Variants in CTNNA2 observed in about 807,000 individuals in gnomAD.
The protein encoded by CTNNA2 is catenin alpha 2.
CTNNA2 carries 42 observed loss-of-function variants against 101.0 expected under a neutral mutation model. The observed-to-expected ratio is 0.42, with a 90% CI of 0.32 to 0.54. The LOEUF (loss-of-function observed/expected upper bound fraction) is 0.54, where lower values mean the gene tolerates loss of function less well. Ranked by LOEUF, CTNNA2 falls within the 20% of genes least tolerant of loss-of-function variation. The pLI is 0.14. For missense variants in CTNNA2, 871 were observed against 1,223.1 expected (o/e 0.71, Z 4.29); for synonymous variants, 450 against 456.4 (o/e 0.99, Z 0.18).
chr2:80,302,778 C>T lies in CTNNA2; in HGVS notation c.1057-90433C>T, dbSNP rs1333490759. 3 of 1,613,320 alleles carry T rather than the reference C, an allele frequency of 1.9e-6. No homozygotes were observed. Among genetic ancestry groups the T allele is most frequent in the Middle Eastern group, 1.6e-4 (1 of 6,062 alleles). On this transcript the variant is annotated intron_variant, in intron 7 of 18. Transcript: ENST00000402739. The surrounding 1 kb of genome is among the most constrained non-coding windows in gnomAD (Gnocchi z 6.4). ...GCGTCCAGGACGTCCTCGCCCTGTG[C>T]GTACTCCGGGCTGGCGCACTGCAAG...
At chr2:79,724,393 T>C (rs1686684303) in intron 2 of CTNNA2, among the ~76,000 whole-genome samples, 1 of 152,026 alleles carries the variant, frequency 6.6e-6, no homozygotes, top group African/African-American at 2.4e-5. Flanking sequence ...ATTTTTGCTT[T>C]AGTTGGTGGT....
At chr2:80,619,022 C>CTTTTTTTTT (rs56987036) in intron 17 of CTNNA2, 63 bp from the exon 18 acceptor site, 1 of 839,812 alleles carries the variant, frequency 1.2e-6, no homozygotes, top group Non-Finnish European at 1.6e-6. Flanking sequence ...AAGTAGGGTA[C>CTTTTTTTTT]TTTTTTTTTT....
intron 8 of CTNNA2, among the ~76,000 whole-genome samples, chr2:80,404,646 A>G (rs78295084): frequency 0.018 from 2,765 of 152,238 alleles, 84 homozygotes; most frequent in African/African-American, 0.062. Context: ...AAAAGGAGCT[A>G]TTGATTCAGA....
chr2:80,079,930 T>C (rs190065698), intron 7 of CTNNA2, among the ~76,000 whole-genome samples: 1 of 150,260 alleles, frequency 6.7e-6, no homozygotes, highest in Non-Finnish European at 1.5e-5. Flanking sequence ...CCAGCCTCTT[T>C]AATTTCAGTT....
intron 4 of CTNNA2, among the ~76,000 whole-genome samples, chr2:79,476,358 A>C (rs985925277): frequency 6.6e-6 from 1 of 152,216 alleles, no homozygotes; most frequent in Non-Finnish European, 1.5e-5. Context: ...AATCCTGAGC[A>C]TCCAAGAGAA....
chr2:79,675,323 G>T (rs770493354), intron 2 of CTNNA2, among the ~76,000 whole-genome samples: 1 of 152,078 alleles, frequency 6.6e-6, no homozygotes, highest in Non-Finnish European at 1.5e-5. Flanking sequence ...ATTTTATGGC[G>T]GTGGACAATG....
At chr2:80,262,064 A>C (rs1672649451) in intron 7 of CTNNA2, among the ~76,000 whole-genome samples, 1 of 152,214 alleles carries the variant, frequency 6.6e-6, no homozygotes, top group South Asian at 2.1e-4. Context: ...TTGTAAATAC[A>C]TGATAATTTT....
intron 6 of CTNNA2, among the ~76,000 whole-genome samples, chr2:79,893,132 G>T (rs1684423523): frequency 6.6e-6 from 1 of 152,034 alleles, no homozygotes; most frequent in Admixed American, 6.6e-5. Flanking sequence ...AAAAATATTT[G>T]AGAATAGTTG....
intron 18 of CTNNA2, among the ~76,000 whole-genome samples, chr2:80,643,639 G>A (rs1673728712): frequency 6.6e-6 from 1 of 152,120 alleles, no homozygotes; most frequent in Non-Finnish European, 1.5e-5. Context: ...GCTGAGAGGT[G>A]GTTGATTTTT....
At chr2:80,184,811 G>C (rs1178886913) in intron 7 of CTNNA2, among the ~76,000 whole-genome samples, 1 of 152,116 alleles carries the variant, frequency 6.6e-6, no homozygotes, top group South Asian at 2.1e-4. Context: ...TTGTTTAAAG[G>C]CTTATGTAAT....
chr2:79,515,476 G>A (rs543015684), intron 1 of CTNNA2, among the ~76,000 whole-genome samples: 3 of 152,298 alleles, frequency 2.0e-5, no homozygotes. Context: ...CTTTGTTGCA[G>A]TTTTTCTGCA....
intron 18 of CTNNA2, among the ~76,000 whole-genome samples, chr2:80,638,710 C>T (rs114115472): frequency 0.012 from 1,872 of 152,276 alleles, 35 homozygotes; most frequent in African/African-American, 0.039. Context: ...ATTTCATGGG[C>T]GTCCCCAAGG....
intron 2 of CTNNA2, among the ~76,000 whole-genome samples, chr2:79,655,728 C>T (rs1305982886): frequency 1.3e-5 from 2 of 151,530 alleles, no homozygotes; most frequent in Non-Finnish European, 2.9e-5. Context: ...ACTCAGGAGG[C>T]TGAGGCAGGA....
intron 4 of CTNNA2, among the ~76,000 whole-genome samples, chr2:79,386,990 A>C (rs1487560802): frequency 6.6e-6 from 1 of 152,218 alleles, no homozygotes; most frequent in Non-Finnish European, 1.5e-5. Context: ...ATATTGGTCT[A>C]AATAGAATGC....
At chr2:79,518,807 A>G (rs1466462521) in intron 1 of CTNNA2, among the ~76,000 whole-genome samples, 1 of 152,216 alleles carries the variant, frequency 6.6e-6, no homozygotes, top group Non-Finnish European at 1.5e-5. Context: ...GGTATCCTAC[A>G]GTCTTTTAGA....
intron 7 of CTNNA2, among the ~76,000 whole-genome samples, chr2:79,962,581 G>A (rs1262585504): frequency 6.6e-6 from 1 of 152,114 alleles, no homozygotes; most frequent in Non-Finnish European, 1.5e-5. Flanking sequence ...GGTATTATGT[G>A]TTGCATATAA....
intron 7 of CTNNA2, among the ~76,000 whole-genome samples, chr2:80,178,005 T>C (rs1333524643): frequency 1.3e-5 from 2 of 152,222 alleles, no homozygotes; most frequent in Non-Finnish European, 2.9e-5. Flanking sequence ...GCTGTCCACT[T>C]TCAGGTGGTG....
chr2:79,780,209 T>C (rs866308385), intron 3 of CTNNA2, among the ~76,000 whole-genome samples: 13 of 152,238 alleles, frequency 8.5e-5, no homozygotes, highest in African/African-American at 3.1e-4. Flanking sequence ...CGTGTATTAA[T>C]TGATGCTTTA....
At chr2:80,169,294 A>G (rs138761853) in intron 7 of CTNNA2, among the ~76,000 whole-genome samples, 322 of 152,248 alleles carry the variant, frequency 2.1e-3, no homozygotes, top group African/African-American at 7.1e-3. Context: ...ATTCCTCACC[A>G]TGGAGCTGGG....
Sources: allele counts gnomAD v4.1 joint callset (sites outside exome capture counted in the v4.1 genomes callset), GRCh38; gene constraint gnomAD v4.1.1; non-coding constraint Gnocchi (gnomAD v3.1); transcripts MANE v1.5; gene names NCBI Gene and HGNC (gene_info 2026-07-23, HGNC 2026-07-21).